CDH18: variants seen among roughly 807,000 people sequenced by gnomAD.
CDH18 encodes the protein cadherin-18.
Under a neutral mutation model 67.9 loss-of-function variants are expected in CDH18, and 31 were observed. The ratio of observed to expected loss-of-function variants is 0.46; its 90% confidence interval spans 0.34 to 0.62. The LOEUF (loss-of-function observed/expected upper bound fraction) is 0.62, where lower values mean the gene tolerates loss of function less well. Among genes scored for constraint, CDH18 ranks in the 20% least tolerant of loss-of-function variants. CDH18 has a pLI of 0.01. For missense variants in CDH18, 890 were observed against 975.5 expected (o/e 0.91, Z 1.17); for synonymous variants, 362 against 347.2 (o/e 1.04, Z -0.48).
intron 1 of CDH18, among the ~76,000 whole-genome samples, chr5:20,280,368 C>G (rs1746157547): frequency 1.3e-5 from 2 of 152,100 alleles, no homozygotes; most frequent in South Asian, 4.1e-4. Flanking sequence ...ACTCCTCCCA[C>G]CCAACAAAAG....
At chr5:20,414,869 C>T (rs1747153390) in intron 1 of CDH18, among the ~76,000 whole-genome samples, 1 of 152,212 alleles carries the variant, frequency 6.6e-6, no homozygotes, top group East Asian at 1.9e-4. Flanking sequence ...GAAATTGGAA[C>T]CCTTGTGCAC....
intron 3 of CDH18, among the ~76,000 whole-genome samples, chr5:19,769,028 G>T (rs1392225241): frequency 2.0e-5 from 3 of 151,340 alleles, no homozygotes; most frequent in Non-Finnish European, 4.4e-5. Flanking sequence ...CTAATAAAGA[G>T]AAAGGAAAAA....
At chr5:19,754,656 A>C (rs1044156871) in intron 3 of CDH18, among the ~76,000 whole-genome samples, 2 of 152,168 alleles carry the variant, frequency 1.3e-5, no homozygotes, top group Non-Finnish European at 2.9e-5. Flanking sequence ...CCTTGGAACA[A>C]ATGGACTTAA....
chr5:20,127,668 GAAT>G (rs1748942778), intron 2 of CDH18, among the ~76,000 whole-genome samples: 1 of 152,070 alleles, frequency 6.6e-6, no homozygotes, highest in African/African-American at 2.4e-5. Flanking sequence ...ACAAAAAGTA[GAAT>G]GATGATTGCC....
intron 3 of CDH18, among the ~76,000 whole-genome samples, chr5:19,760,384 G>T (rs527683403): frequency 6.6e-6 from 1 of 152,112 alleles, no homozygotes; most frequent in Admixed American, 6.6e-5. Context: ...CCACGATCCC[G>T]ATTTCCCTAG....
At chr5:19,785,668 AAAAAAAAAAAAATATATATATATATATAT>A (rs1156974621) in intron 3 of CDH18, among the ~76,000 whole-genome samples, 9 of 65,718 alleles carry the variant, frequency 1.4e-4, no homozygotes, top group African/African-American at 6.1e-4. Flanking sequence ...AAAAAAAAAA[AAAAAAAAAAAAATATATATATATATATAT>A]ATATATATAT....
At chr5:20,572,716 T>A (rs1758882339) in intron 1 of CDH18, among the ~76,000 whole-genome samples, 1 of 152,160 alleles carries the variant, frequency 6.6e-6, no homozygotes, top group Non-Finnish European at 1.5e-5. Context: ...AGCCCCCTAA[T>A]GGCTCAGATA....
intron 1 of CDH18, among the ~76,000 whole-genome samples, chr5:20,316,132 TGAG>T (rs1444449523): frequency 2.0e-5 from 3 of 152,132 alleles, no homozygotes; most frequent in Non-Finnish European, 4.4e-5. Flanking sequence ...TTCAATAAGA[TGAG>T]AAGAAGCTTT....
chr5:19,710,361 A>T (rs1008148055), intron 5 of CDH18, among the ~76,000 whole-genome samples: 3 of 152,160 alleles, frequency 2.0e-5, no homozygotes, highest in Non-Finnish European at 4.4e-5. Context: ...TGTGTCACAC[A>T]ATGCACTAAC....
chr5:20,197,949 C>T (rs1739116843), intron 2 of CDH18, among the ~76,000 whole-genome samples: 1 of 152,090 alleles, frequency 6.6e-6, no homozygotes, highest in African/African-American at 2.4e-5. Flanking sequence ...CCCTATGCTG[C>T]TTTTATGATA....
At chr5:19,920,334 C>T (rs1272195305) in intron 2 of CDH18, among the ~76,000 whole-genome samples, 1 of 152,000 alleles carries the variant, frequency 6.6e-6, no homozygotes. Flanking sequence ...AATAACATAG[C>T]AACAAGTAGG....
At chr5:20,090,149 T>A (rs1403860356) in intron 2 of CDH18, among the ~76,000 whole-genome samples, 2 of 152,124 alleles carry the variant, frequency 1.3e-5, no homozygotes, top group Non-Finnish European at 2.9e-5. Context: ...CACAAGAAAG[T>A]GGACAACATT....
At chr5:19,960,685 ATATACACGTGTATATATGTATATATG>A (rs1489390208) in intron 2 of CDH18, among the ~76,000 whole-genome samples, 2 of 133,954 alleles carry the variant, frequency 1.5e-5, no homozygotes, top group African/African-American at 7.2e-5. Flanking sequence ...ATATGTATAC[ATATACACGTGTATATATGTATATATG>A]TATACACGTG....
At chr5:19,819,072 T>C (rs1779587291) in intron 3 of CDH18, among the ~76,000 whole-genome samples, 1 of 151,942 alleles carries the variant, frequency 6.6e-6, no homozygotes, top group South Asian at 2.1e-4. Context: ...CATGTATATA[T>C]ACATATATGT....
chr5:19,826,203 C>T (rs140241979), intron 3 of CDH18, among the ~76,000 whole-genome samples: 134 of 152,154 alleles, frequency 8.8e-4, no homozygotes, highest in East Asian at 2.7e-3. Flanking sequence ...GAAAAATGAA[C>T]AAAACCTCCA....
chr5:20,304,087 T>C, intron 1 of CDH18: 1 of 1,610,978 alleles, frequency 6.2e-7, no homozygotes, highest in Non-Finnish European at 8.5e-7. Flanking sequence ...GCAACTCGTC[T>C]GCATCCTCGC....
chr5:20,397,604 A>G (rs912617874), intron 1 of CDH18, among the ~76,000 whole-genome samples: 4 of 152,174 alleles, frequency 2.6e-5, no homozygotes, highest in Admixed American at 2.6e-4. Flanking sequence ...GTCAATGATC[A>G]TGTACTTTTT....
intron 2 of CDH18, among the ~76,000 whole-genome samples, chr5:20,124,790 T>C (rs1335425282): frequency 6.6e-6 from 1 of 152,138 alleles, no homozygotes; most frequent in Non-Finnish European, 1.5e-5. Flanking sequence ...ATAAATGTTT[T>C]GAATTAAGAA....
At chr5:19,657,001 A>G (rs779120511) in intron 5 of CDH18, among the ~76,000 whole-genome samples, 9 of 152,074 alleles carry the variant, frequency 5.9e-5, no homozygotes, top group Non-Finnish European at 1.2e-4. Context: ...GAAGCAGGCA[A>G]TTAACTATAT....
Sources: gnomAD v4.1 joint callset for allele counts (sites outside exome capture counted in the v4.1 genomes callset) on GRCh38, gnomAD v4.1.1 for gene constraint, MANE v1.5 for transcripts, NCBI Gene and HGNC (gene_info 2026-07-23, HGNC 2026-07-21) for gene names.